TJP1: variants seen among roughly 807,000 people sequenced by gnomAD.
The protein encoded by TJP1 is tight junction protein 1.
TJP1 carries 43 observed loss-of-function variants against 194.2 expected under a neutral mutation model. That is an observed-to-expected ratio of 0.22 (90% confidence interval 0.17 to 0.29). TJP1 has a LOEUF of 0.29. TJP1 is among the 10% of genes least tolerant of loss of function. The pLI is 1.00. For missense variants in TJP1, 1,971 were observed against 2,185.7 expected (o/e 0.90, Z 1.96); for synonymous variants, 801 against 779.0 (o/e 1.03, Z -0.47).
At chr15:29,964,408 C>CT (rs1009629632) in intron 1 of TJP1, among the ~76,000 whole-genome samples, 1 of 12,830 alleles carries the variant, frequency 7.8e-5, no homozygotes, top group Non-Finnish European at 3.4e-4. Flanking sequence ...AAGTTTTAGT[C>CT]TTTTAAAAAA....
intron 26 of TJP1, 148 bp downstream of exon 26, chr15:29,705,380 G>A (rs759015952): frequency 2.6e-6 from 2 of 774,224 alleles, no homozygotes; most frequent in Non-Finnish European, 2.0e-6. Context: ...CTGCTTGCTT[G>A]CAACACCGTC....
chr15:29,837,613 A>G (rs1015911879), intron 2 of TJP1, among the ~76,000 whole-genome samples: 3 of 152,252 alleles, frequency 2.0e-5, no homozygotes, highest in Admixed American at 1.3e-4. Flanking sequence ...TGTAGGCTTT[A>G]TATGTTGTGT....
rs1438879860 is a variant in TJP1 at position 29,822,192 on chromosome 15, C to A, written c.-164G>T. ...CGGCCCAGGGGGAGGGAATTCAACT[C>A]GGACAAAAGTCCGGGAAGCGCCCGC... On this transcript the variant is annotated 5_prime_UTR_variant, in exon 1 of 28. Coordinates refer to ENST00000614355, the MANE Select transcript of TJP1 (RefSeq NM_001330239.4). 9 of 1,179,914 alleles carry A rather than the reference C, an allele frequency of 7.6e-6. No individual in the cohort carries two copies. Among genetic ancestry groups the A allele is most frequent in the Admixed American group, 4.6e-5 (1 of 21,948 alleles). 73.1% of individuals were successfully genotyped at this position (1,179,914 alleles called of 1,614,324 possible).
In TJP1 at chr15:29,718,527, T is replaced by G; in HGVS notation, c.3615A>C (p.Gln1205His). Reference protein sequence around the residue: ...YSRSYEQVPPQGFTSRAGHFE... With the variant: ...YSRSYEQVPPHGFTSRAGHFE... ...AATGACCTGCTCTAGAGGTAAATCC[T>G]TGGGGTGGTACTTGCTCGTAACTGC... Residue 1205 changes from glutamine (Q) to histidine (H), a missense_variant, in exon 21 of 28, where the codon CAA becomes CAC. Transcript: ENST00000614355. 6.2e-7 allele frequency: 1 copy of G among 1,614,116 alleles called. No homozygotes were observed. The highest frequency in any genetic ancestry group is 8.5e-7 in the Non-Finnish European group (1 of 1,180,016).
rs1343590205 is a variant in TJP1, at chr15:29,708,750, C to T, written c.4659G>A (p.Leu1553=). The T allele has an allele frequency of 1.2e-6, 2 of 1,614,196 alleles. No individual in the cohort carries two copies. The highest frequency in any genetic ancestry group is 3.3e-5 in the Admixed American group (2 of 60,030). ...CAGGTTTATGTGCAGTTTCACTTGG[C>T]AGAAGATTGTGATTGAATTTAGGAC... ...FESPKFNHNL[L]PSETAHKPDL... is the part of the protein sequence containing the mutation. The change falls in exon 25 of 28, where the codon CTG becomes CTA. Residue 1553 remains leucine, a synonymous_variant. Transcript: ENST00000614355.
intron 1 of TJP1, among the ~76,000 whole-genome samples, chr15:29,959,965 G>A (rs976127144): frequency 7.9e-5 from 12 of 152,066 alleles, no homozygotes; most frequent in Admixed American, 5.9e-4. Context: ...GAGGACATAT[G>A]GGAAAGAAAA....
chr15:29,791,051 G>A (rs1055548194), intron 2 of TJP1, among the ~76,000 whole-genome samples: 36 of 151,116 alleles, frequency 2.4e-4, no homozygotes, highest in African/African-American at 8.3e-4. Context: ...TTTTTTGGAC[G>A]GAGTCTCACT....
intron 9 of TJP1, 102 bp downstream of exon 9, chr15:29,742,540 G>A (rs899490870): frequency 7.6e-7 from 1 of 1,317,928 alleles, no homozygotes; most frequent in Middle Eastern, 2.1e-4. Flanking sequence ...ATTCACACAT[G>A]AGAAGAATAA....
intron 23 of TJP1, among the ~76,000 whole-genome samples, chr15:29,713,237 AGTT>A (rs1401929568): frequency 6.6e-6 from 1 of 152,238 alleles, no homozygotes; most frequent in Non-Finnish European, 1.5e-5. Flanking sequence ...GTCCTGAAGA[AGTT>A]GACTCAATCT....
chr15:29,749,843 C>G (rs2045132977), intron 8 of TJP1, among the ~76,000 whole-genome samples: 2 of 152,070 alleles, frequency 1.3e-5, no homozygotes, highest in South Asian at 4.1e-4. Flanking sequence ...ATCTGTGGTT[C>G]TTTTGTGCTT....
chr15:29,727,174 T>A (rs2043294142), intron 16 of TJP1, among the ~76,000 whole-genome samples, 183 bp from the exon 17 acceptor site: 2 of 151,998 alleles, frequency 1.3e-5, no homozygotes, highest in African/African-American at 4.8e-5. Flanking sequence ...AGAAACTCTA[T>A]CTCTACTAAA....
intron 2 of TJP1, among the ~76,000 whole-genome samples, chr15:29,860,649 A>G (rs1307039600): frequency 6.6e-6 from 1 of 152,166 alleles, no homozygotes; most frequent in African/African-American, 2.4e-5. Context: ...TATACTATGG[A>G]TATACCACAT....
At chr15:29,746,095 ACGGCTGGG>A (rs2044752235) in intron 8 of TJP1, among the ~76,000 whole-genome samples, 1 of 152,140 alleles carries the variant, frequency 6.6e-6, no homozygotes. Context: ...AAACTTTAAA[ACGGCTGGG>A]CGCAGTGGCT....
rs556736999 is a variant in TJP1, at chr15:29,801,718, C to T, written c.28-1016G>A. 3.4e-3 allele frequency among the ~76,000 whole-genome samples: 515 copies of T among 151,952 alleles called. 4 individuals carry two copies. The highest frequency in any genetic ancestry group is 5.8e-3 in the Non-Finnish European group (395 of 67,940). ...CCTCCTGATCCGCCCGCCTCGGCCT[C>T]CCAAAGTGCTGGGATTACAGGCGTG... is the stretch of plus-strand genomic sequence containing the variant. On this transcript the variant is annotated intron_variant, in intron 1 of 27. Transcript: ENST00000614355.
At chr15:29,957,216 T>C (rs2055980520) in intron 1 of TJP1, among the ~76,000 whole-genome samples, 1 of 152,184 alleles carries the variant, frequency 6.6e-6, no homozygotes, top group Admixed American at 6.5e-5. Flanking sequence ...ATCTATAAAG[T>C]GCACACTGGA....
chr15:29,848,665 T>C (rs1459288587), intron 2 of TJP1, among the ~76,000 whole-genome samples: 2 of 151,928 alleles, frequency 1.3e-5, no homozygotes, highest in Non-Finnish European at 2.9e-5. Context: ...ATTGAGACCA[T>C]CTGGCCAACA....
chr15:29,801,469 T>A (rs531664051), intron 1 of TJP1, among the ~76,000 whole-genome samples: 2,062 of 151,054 alleles, frequency 0.014, 18 homozygotes, highest in Admixed American at 0.021. Flanking sequence ...TATTATTTTT[T>A]TTTTTTTTTT....
intron 2 of TJP1, among the ~76,000 whole-genome samples, chr15:29,833,873 A>ATTTTTTT (rs2050918855): frequency 1.1e-4 from 2 of 18,152 alleles, no homozygotes; most frequent in Admixed American, 6.7e-4. Flanking sequence ...ATATATATAT[A>ATTTTTTT]TATATATATT....
chr15:29,711,208 T>G (rs1783078041), intron 23 of TJP1, among the ~76,000 whole-genome samples: 1 of 152,072 alleles, frequency 6.6e-6, no homozygotes, highest in Non-Finnish European at 1.5e-5. Flanking sequence ...CACAAAAACT[T>G]TAAGAATATT....
Sources: gnomAD v4.1 joint callset for allele counts (sites outside exome capture counted in the v4.1 genomes callset) on GRCh38, gnomAD v4.1.1 for gene constraint, MANE v1.5 for transcripts, NCBI Gene and HGNC (gene_info 2026-07-23, HGNC 2026-07-21) for gene names.